The following ZNF107 variants were observed in gnomAD, a reference collection of about 807,000 sequenced individuals.
The protein encoded by ZNF107 is zinc finger protein 107.
In ZNF107, 19 loss-of-function variants were observed where a neutral mutation model predicts 12.3. The observed-to-expected ratio is 1.55, with a 90% CI of 1.08 to 2.27. ZNF107 has a LOEUF of 2.27. Ranked by LOEUF, ZNF107 falls within the 30% of genes most tolerant of loss-of-function variation. The pLI is 0.00. For synonymous variants in ZNF107, 317 were observed against 330.5 expected (o/e 0.96, Z 0.44); for missense variants, 958 against 979.9 (o/e 0.98, Z 0.30).
intron 1 of ZNF107, among the ~76,000 whole-genome samples, chr7:64,677,469 G>T (rs1462090983): frequency 4.2e-5 from 1 of 23,570 alleles, no homozygotes; most frequent in Non-Finnish European, 8.4e-5. Flanking sequence ...ACCGCACCTC[G>T]CCGGATTTTT....
intron 1 of ZNF107, chr7:64,684,687 C>T (rs1000659624): frequency 4.1e-6 from 4 of 985,288 alleles, no homozygotes; most frequent in Admixed American, 6.2e-5. Flanking sequence ...GGTTTCATCC[C>T]CAAACTCCCA....
chr7:64,667,836 G>T (rs1268120172), intron 1 of ZNF107, among the ~76,000 whole-genome samples: 1 of 151,986 alleles, frequency 6.6e-6, no homozygotes, highest in African/African-American at 2.4e-5. Context: ...CCATTTCTCA[G>T]AGGTACATTG....
intron 1 of ZNF107, among the ~76,000 whole-genome samples, chr7:64,668,863 A>C (rs915073056): frequency 6.6e-6 from 1 of 152,170 alleles, no homozygotes; most frequent in Non-Finnish European, 1.5e-5. Context: ...ACATTTTTAC[A>C]AGAAAATGTG....
chr7:64,669,518 G>C (rs113140543), intron 1 of ZNF107, among the ~76,000 whole-genome samples: 7,138 of 152,166 alleles, frequency 0.047, 452 homozygotes, highest in African/African-American at 0.14. Context: ...CCTTGGTTGG[G>C]TGCAGTGGCT....
At chr7:64,700,506 C>CGTT (rs368830901) in intron 3 of ZNF107, among the ~76,000 whole-genome samples, 9 of 66,252 alleles carry the variant, frequency 1.4e-4, no homozygotes, top group African/African-American at 5.5e-4. Context: ...CCAAATAAAC[C>CGTT]TTTTTTTTTT....
Position 64,707,592 on chromosome 7 carries a change from C to T in ZNF107, c.1495C>T (p.His499Tyr), listed in dbSNP as rs1562847388. The T allele has an allele frequency of 6.2e-7, 1 of 1,612,900 alleles. No homozygotes were observed. The highest frequency in any genetic ancestry group is 1.1e-5 in the South Asian group (1 of 91,032). The change falls in exon 4 of 4, where the codon CAT becomes TAT. Residue 499 changes from histidine (H) to tyrosine (Y), a missense_variant. Transcript: ENST00000620827. ...TAATCGATCCTCAACCCTTACTAGA[C>T]ATAAGAAAATTCATACTGGAGAGAA... Reference protein sequence around the residue: ...AFNRSSTLTRHKKIHTGEKPY... With the variant: ...AFNRSSTLTRYKKIHTGEKPY...
rs144340113 is a variant in ZNF107, at chr7:64,682,522, C to T, written c.4-8726C>T. ...AGACAGCCTCCTCACTGGCGTTCCT[C>T]GACTCCACCCAGCCCTTCTCTCTAC... On this transcript the variant is annotated intron_variant, in intron 1 of 3. Transcript: ENST00000620827. Among the ~76,000 whole-genome samples the T allele has an allele frequency of 4.6e-3, 703 of 152,240 alleles. 8 individuals carry two copies. Among genetic ancestry groups the T allele is most frequent in the African/African-American group, 0.013 (544 of 41,540 alleles).
intron 2 of ZNF107, 39 bp from the exon 3 acceptor site, chr7:64,691,826 A>G: frequency 1.7e-6 from 2 of 1,208,244 alleles, no homozygotes; most frequent in South Asian, 2.4e-5. Flanking sequence ...GGAGAATATG[A>G]TTAAGATTCA....
chr7:64,671,738 A>G (rs1789230146), intron 1 of ZNF107, among the ~76,000 whole-genome samples: 1 of 151,360 alleles, frequency 6.6e-6, no homozygotes, highest in African/African-American at 2.4e-5. Context: ...CTGAGATACT[A>G]AGCATAGCAC....
chr7:64,680,843 A>T (rs934658989), intron 1 of ZNF107, among the ~76,000 whole-genome samples: 6 of 152,286 alleles, frequency 3.9e-5, no homozygotes, highest in African/African-American at 1.2e-4. Context: ...CGTGTTTCTG[A>T]ATTACAGATG....
At chr7:64,699,754 C>T (rs116568702) in intron 3 of ZNF107, among the ~76,000 whole-genome samples, 1,619 of 152,152 alleles carry the variant, frequency 0.011, 33 homozygotes, top group African/African-American at 0.037. Flanking sequence ...TAACAGAATA[C>T]GCCAGGTGCA....
chr7:64,707,834 A>G lies in ZNF107; in HGVS notation c.1737A>G (p.Gln579=), dbSNP rs769461859. 1 of 1,612,474 alleles carries G rather than the reference A, an allele frequency of 6.2e-7. No individual in the cohort carries two copies. Among genetic ancestry groups the G allele is most frequent in the Non-Finnish European group, 8.5e-7 (1 of 1,179,464 alleles). The change falls in exon 4 of 4, where the codon CAA becomes CAG. Residue 579 remains glutamine (Q), a synonymous_variant. Coordinates refer to ENST00000620827, the MANE Select transcript of ZNF107 (RefSeq NM_001282359.2). ...ECGKAFNQSY[Q]LTRHKIVHTK... ...GAAAAGCCTTTAATCAATCCTATCA[A>G]CTTACTAGACATAAGATAGTTCATA...
chr7:64,708,645 G>A lies in ZNF107; in HGVS notation c.2548G>A (p.Gly850Ser), dbSNP rs748969016. 21 of 1,589,662 alleles carry A rather than the reference G, an allele frequency of 1.3e-5. No homozygotes were observed. Among genetic ancestry groups the A allele is most frequent in the Non-Finnish European group, 1.8e-5 (21 of 1,169,792 alleles). The change falls in exon 4 of 4, where the codon GGC (glycine) becomes AGC (serine). Residue 850 changes from glycine to serine, a missense_variant. Physicochemically the swap from Gly to Ser is moderately conservative, Grantham distance 56. Transcript: ENST00000620827. ...TGEKPYKCEY[G>S]KT is the part of the protein sequence containing the mutation. ...AGAGAAACCCTACAAATGTGAGTAT[G>A]GCAAAACTTAATTGATCCTACAAGC...
At chr7:64,684,625 C>T in intron 1 of ZNF107, 1 of 985,416 alleles carries the variant, frequency 1.0e-6, no homozygotes, top group Non-Finnish European at 1.2e-6. Context: ...CTGCTCCTGT[C>T]CGCCCTGCTT....
At chr7:64,691,835 C>G in intron 2 of ZNF107, 30 bp from the exon 3 acceptor site, 1 of 1,259,086 alleles carries the variant, frequency 7.9e-7, no homozygotes, top group Non-Finnish European at 1.0e-6. Flanking sequence ...GATTAAGATT[C>G]ATGTTATATA....
intron 1 of ZNF107, among the ~76,000 whole-genome samples, chr7:64,683,871 C>T (rs1789789272): frequency 6.6e-6 from 1 of 152,172 alleles, no homozygotes; most frequent in Non-Finnish European, 1.5e-5. Context: ...TGGGTTGATA[C>T]CTTCACCAGA....
At chr7:64,691,030 G>A (rs1479772068) in intron 1 of ZNF107, among the ~76,000 whole-genome samples, 2 of 151,778 alleles carry the variant, frequency 1.3e-5, no homozygotes, top group Non-Finnish European at 2.9e-5. Flanking sequence ...GAGCCACCGC[G>A]CTCGGCCTAA....
chr7:64,690,627 A>T, intron 1 of ZNF107: 1 of 764,998 alleles, frequency 1.3e-6, no homozygotes, highest in Middle Eastern at 6.4e-4. Context: ...CAGATCCAGT[A>T]GTTTCCCACA....
rs1306477016 is a variant in ZNF107 at position 64,710,374 on chromosome 7, T to C, written c.*1718T>C. 1.3e-5 allele frequency: 2 copies of C among 152,196 alleles called. No individual in the cohort carries two copies. Among genetic ancestry groups the C allele is most frequent in the Non-Finnish European group, 2.9e-5 (2 of 68,038 alleles). The allele number at this position is 152,196 out of a possible 1,614,324, so 9.4% of individuals were successfully genotyped here. On this transcript the variant is annotated 3_prime_UTR_variant, in exon 4 of 4. Transcript: ENST00000620827. ...TACAGCTTAGAAAATACCAGAGGCC[T>C]CATACTAAAATATATTTTTGCAAGT...
Sources: allele counts gnomAD v4.1 joint callset (sites outside exome capture counted in the v4.1 genomes callset), GRCh38; gene constraint gnomAD v4.1.1; transcripts MANE v1.5; gene names NCBI Gene and HGNC (gene_info 2026-07-23, HGNC 2026-07-21).